The following ARL14EPL variants were observed in gnomAD, a reference collection of about 807,000 sequenced individuals.
ARL14EPL encodes ARF like GTPase 14 effector protein like, also known as ARL14 effector protein-like.
ARL14EPL carries 17 observed loss-of-function variants against 15.9 expected under a neutral mutation model. The observed-to-expected ratio is 1.07, with a 90% CI of 0.73 to 1.60. The LOEUF is 1.60. Among genes scored for constraint, ARL14EPL ranks in the 40% most tolerant of loss-of-function variants. ARL14EPL has a pLI of 0.00. For missense variants in ARL14EPL, 214 were observed against 185.9 expected, an observed-to-expected ratio of 1.15 and a Z score of -0.88; for synonymous variants, 78 against 63.8, an observed-to-expected ratio of 1.22 and a Z score of -1.06.
chr5:116,038,394 CA>C (rs66529497), intron 1 of ARL14EPL, among the ~76,000 whole-genome samples: 3,516 of 152,262 alleles, frequency 0.023, 51 homozygotes, highest in Middle Eastern at 0.041. Context: ...TGATTTTAGA[CA>C]TACACTGGGG....
chr5:116,058,777 C>A lies in ARL14EPL; in HGVS notation c.289C>A (p.Leu97Met). 1 of 1,535,886 alleles carries A rather than the reference C, an allele frequency of 6.5e-7. No homozygotes were observed. Among genetic ancestry groups the A allele is most frequent in the Non-Finnish European group, 8.7e-7 (1 of 1,146,910 alleles). Residue 97 changes from leucine (L) to methionine (M), a missense_variant, in exon 4 of 4, where the codon CTG becomes ATG. Physicochemically the swap from Leu to Met is conservative, Grantham distance 15. Transcript: ENST00000686077. Reference sequence around the variant, plus strand: ...CAGGCTCATCTGTAATGACGCTGATCTGTGTGATTGTCTAGAGAAGAACTG... The same window carrying A: ...CAGGCTCATCTGTAATGACGCTGATATGTGTGATTGTCTAGAGAAGAACTG... ...SGRLICNDADLCDCLEKNCLG... is the reference protein window; with the variant it reads ...SGRLICNDADMCDCLEKNCLG...
intron 1 of ARL14EPL, among the ~76,000 whole-genome samples, chr5:116,033,689 T>G (rs2112663366): frequency 6.6e-6 from 1 of 152,340 alleles, no homozygotes; most frequent in East Asian, 1.9e-4. Context: ...TGTAGATCCT[T>G]GGATCAAGAT....
At chr5:116,045,879 A>C (rs1435276693) in intron 1 of ARL14EPL, among the ~76,000 whole-genome samples, 1 of 151,954 alleles carries the variant, frequency 6.6e-6, no homozygotes, top group African/African-American at 2.4e-5. Flanking sequence ...ATCTAACAAC[A>C]CTCTCAAAGG....
chr5:116,053,165 T>C (rs1236254357), intron 2 of ARL14EPL, among the ~76,000 whole-genome samples: 1 of 151,990 alleles, frequency 6.6e-6, no homozygotes, highest in Non-Finnish European at 1.5e-5. Context: ...CTGGGCAACA[T>C]GGTGAAACCC....
At chr5:116,038,392 G>A (rs1286001082) in intron 1 of ARL14EPL, among the ~76,000 whole-genome samples, 1 of 151,946 alleles carries the variant, frequency 6.6e-6, no homozygotes, top group African/African-American at 2.4e-5. Context: ...GGTGATTTTA[G>A]ACATACACTG....
chr5:116,039,666 T>C (rs1189998988), intron 1 of ARL14EPL, among the ~76,000 whole-genome samples: 1 of 152,084 alleles, frequency 6.6e-6, no homozygotes, highest in East Asian at 1.9e-4. Context: ...CCCAAAGTTC[T>C]TAGAAGAATA....
At chr5:116,052,155 T>C (rs538379468) in intron 2 of ARL14EPL, 11 of 1,610,700 alleles carry the variant, frequency 6.8e-6, no homozygotes, top group African/African-American at 1.3e-5. Context: ...ACTAAGTTAT[T>C]GAGCTTGTCC....
At chr5:116,051,836 C>T (rs144482399) in intron 2 of ARL14EPL, 71 of 1,043,232 alleles carry the variant, frequency 6.8e-5, no homozygotes, top group Admixed American at 2.4e-4. Context: ...TATATACAAA[C>T]GTTTTTATTT....
At chr5:116,046,360 C>G (rs1471774149) in intron 1 of ARL14EPL, among the ~76,000 whole-genome samples, 4 of 152,184 alleles carry the variant, frequency 2.6e-5, no homozygotes, top group Non-Finnish European at 5.9e-5. Flanking sequence ...AAAATACTCA[C>G]TCTACCCCAT....
At chr5:116,048,602 C>G (rs1749315126) in intron 1 of ARL14EPL, among the ~76,000 whole-genome samples, 1 of 152,104 alleles carries the variant, frequency 6.6e-6, no homozygotes, top group Non-Finnish European at 1.5e-5. Context: ...CAAGCAAGAT[C>G]TAGTAGCATG....
chr5:116,053,907 T>C (rs1749453804), intron 2 of ARL14EPL, 107 bp from the exon 3 acceptor site: 1 of 907,132 alleles, frequency 1.1e-6, no homozygotes. Context: ...AAAACATATA[T>C]ACTTTCATGC....
intron 1 of ARL14EPL, among the ~76,000 whole-genome samples, chr5:116,038,002 A>C (rs116510685): frequency 3.3e-5 from 5 of 152,186 alleles, no homozygotes; most frequent in African/African-American, 4.8e-5. Flanking sequence ...TAAGGTTTGC[A>C]TTGCCTATCA....
rs952879000 is a variant in ARL14EPL at position 116,049,828 on chromosome 5, A to G, written c.-9-1629A>G. Among the ~76,000 whole-genome samples, 4 of 152,252 alleles carry G rather than the reference A, an allele frequency of 2.6e-5. No homozygotes were observed. The East Asian group carries it at 7.7e-4, about 29-fold the overall frequency. ...TCACTGTATTTTCCAATTAGAAATA[A>G]CAGTTATTATAAATTACATTTTTTC... On this transcript the variant is annotated intron_variant, in intron 1 of 3. Coordinates refer to ENST00000686077, the MANE Select transcript of ARL14EPL (RefSeq NM_001195581.2).
chr5:116,042,595 A>G (rs184242507), intron 1 of ARL14EPL, among the ~76,000 whole-genome samples: 1 of 152,364 alleles, frequency 6.6e-6, no homozygotes, highest in Admixed American at 6.5e-5. Context: ...AATAAGGGCT[A>G]TTCTTCTTGG....
intron 1 of ARL14EPL, among the ~76,000 whole-genome samples, chr5:116,038,001 C>A (rs1269114968): frequency 1.3e-5 from 2 of 152,108 alleles, no homozygotes; most frequent in East Asian, 3.9e-4. Context: ...TTAAGGTTTG[C>A]ATTGCCTATC....
At chr5:116,036,414 C>CA (rs33941188) in intron 1 of ARL14EPL, among the ~76,000 whole-genome samples, 152,355 of 152,356 alleles carry the variant, frequency 1, 76,177 homozygotes, top group Non-Finnish European at 1. Flanking sequence ...GATGTCCAAA[C>CA]AAGGAAAATT....
At chr5:116,039,020 C>A (rs769393558) in intron 1 of ARL14EPL, among the ~76,000 whole-genome samples, 1 of 152,108 alleles carries the variant, frequency 6.6e-6, no homozygotes, top group Non-Finnish European at 1.5e-5. Flanking sequence ...ACAGACAAAC[C>A]GCCCTTGCTG....
chr5:116,056,034 A>C (rs543384370), intron 3 of ARL14EPL, among the ~76,000 whole-genome samples: 3 of 152,210 alleles, frequency 2.0e-5, no homozygotes, highest in African/African-American at 7.2e-5. Flanking sequence ...CATTGTCTTA[A>C]TCCAGTCTAT....
At chr5:116,033,396 G>A (rs1748993155) in intron 1 of ARL14EPL, among the ~76,000 whole-genome samples, 1 of 152,068 alleles carries the variant, frequency 6.6e-6, no homozygotes, top group African/African-American at 2.4e-5. Context: ...TGCCCAACTG[G>A]AGGCTAATGT....
Sources: allele counts gnomAD v4.1 joint callset (sites outside exome capture counted in the v4.1 genomes callset), GRCh38; gene constraint gnomAD v4.1.1; transcripts MANE v1.5; gene names NCBI Gene and HGNC (gene_info 2026-07-23, HGNC 2026-07-21).